Variants in ANKRD17 observed in about 807,000 individuals in gnomAD.
ANKRD17 encodes ankyrin repeat domain-containing protein 17.
In ANKRD17, 19 loss-of-function variants were observed where a neutral mutation model predicts 229.7. The observed-to-expected ratio is 0.08, with a 90% CI of 0.06 to 0.12. The LOEUF (loss-of-function observed/expected upper bound fraction) is 0.12. Among genes scored for constraint, ANKRD17 ranks in the 10% least tolerant of loss-of-function variants. The pLI, the probability that ANKRD17 is intolerant of heterozygous loss-of-function variation, is 1.00. For missense variants in ANKRD17, 2,176 were observed against 3,176.8 expected, an observed-to-expected ratio of 0.68 and a Z score of 7.57; for synonymous variants, 1,112 against 1,146.1, an observed-to-expected ratio of 0.97 and a Z score of 0.60.
chr4:73,086,591 T>C (rs1195007790), intron 29 of ANKRD17, among the ~76,000 whole-genome samples: 1 of 148,952 alleles, frequency 6.7e-6, no homozygotes. Flanking sequence ...TGTCAACGAT[T>C]TTTTTTTTTA....
At chr4:73,147,515 T>C in intron 8 of ANKRD17, 83 bp from the exon 9 acceptor site, 1 of 1,146,154 alleles carries the variant, frequency 8.7e-7, no homozygotes, top group Non-Finnish European at 1.2e-6. Flanking sequence ...CTTAATAAAC[T>C]GAATCTTTAA....
Position 73,098,510 on chromosome 4 carries a change from T to C in ANKRD17, c.4584A>G (p.Glu1528=). ...KEKLKVEDEP[E]VLTEPPSATT... is the part of the protein sequence containing the mutation. ...TGGCACTTGGAGGTTCTGTCAAGAC[T>C]TCAGGCTCATCTGTAAAAGTAGCAA... The change falls in exon 26 of 34, where the codon GAA becomes GAG. Residue 1528 remains glutamate, a synonymous_variant. Coordinates refer to ENST00000358602, the MANE Select transcript of ANKRD17 (RefSeq NM_032217.5). 6.2e-7 allele frequency: 1 copy of C among 1,610,992 alleles called. No homozygotes were observed. Among genetic ancestry groups the C allele is most frequent in the Non-Finnish European group, 8.5e-7 (1 of 1,179,026 alleles).
chr4:73,170,211 T>A (rs1418834330), intron 2 of ANKRD17, among the ~76,000 whole-genome samples: 8 of 151,900 alleles, frequency 5.3e-5, no homozygotes, highest in Non-Finnish European at 7.4e-5. Context: ...GACAACTTGG[T>A]CTTGCATCTT....
intron 1 of ANKRD17, among the ~76,000 whole-genome samples, chr4:73,218,214 G>A (rs1402550915): frequency 6.6e-6 from 1 of 152,192 alleles, no homozygotes; most frequent in Non-Finnish European, 1.5e-5. Context: ...GAAAAATTCA[G>A]AATGCATAAG....
chr4:73,219,521 T>C (rs1160780881), intron 1 of ANKRD17, among the ~76,000 whole-genome samples: 1 of 152,222 alleles, frequency 6.6e-6, no homozygotes, highest in East Asian at 1.9e-4. Flanking sequence ...CTTTCAATTT[T>C]ATTTAAAAAA....
intron 1 of ANKRD17, among the ~76,000 whole-genome samples, chr4:73,189,569 C>CAT (rs1437689830): frequency 6.6e-6 from 1 of 151,928 alleles, no homozygotes; most frequent in Non-Finnish European, 1.5e-5. Flanking sequence ...GCTACCATTC[C>CAT]GCCCCCTCAG....
At chr4:73,245,079 T>C (rs1744374981) in intron 1 of ANKRD17, among the ~76,000 whole-genome samples, 1 of 152,042 alleles carries the variant, frequency 6.6e-6, no homozygotes, top group African/African-American at 2.4e-5. Flanking sequence ...AAGAGTCCAG[T>C]AATTTGGGGC....
intron 27 of ANKRD17, among the ~76,000 whole-genome samples, chr4:73,096,669 T>C (rs186001019): frequency 6.6e-6 from 1 of 152,358 alleles, no homozygotes. Flanking sequence ...ATTTTTACTC[T>C]TGGATACATA....
chr4:73,091,036 A>C lies in ANKRD17; in HGVS notation c.6592T>G (p.Ser2198Ala). Residue 2198 changes from serine to alanine, a missense_variant, in exon 29 of 34, where the codon TCA becomes GCA. This residue lies in a region of ANKRD17 where 424 missense variants were observed against 454.0 expected (regional missense o/e 0.93). Coordinates refer to ENST00000358602, the MANE Select transcript of ANKRD17 (RefSeq NM_032217.5). ...TTGACACTGAGGACTGCAACAGATG[A>C]ATTTTGCACTGAAGCTGAATTCTTG... The part of the protein sequence containing the change: ...PHKNSASVQN[S>A]SVAVLSVNHI... 6.2e-7 allele frequency: 1 copy of C among 1,614,212 alleles called. No homozygotes were observed. Among genetic ancestry groups the C allele is most frequent in the Admixed American group, 1.7e-5 (1 of 60,026 alleles).
At chr4:73,119,058 T>A (rs1726367059) in intron 21 of ANKRD17, among the ~76,000 whole-genome samples, 1 of 151,810 alleles carries the variant, frequency 6.6e-6, no homozygotes, top group Non-Finnish European at 1.5e-5. Flanking sequence ...AGCTAATTTT[T>A]AAATTTCTTG....
At chr4:73,086,969 T>C (rs1298244711) in intron 29 of ANKRD17, among the ~76,000 whole-genome samples, 4 of 110,840 alleles carry the variant, frequency 3.6e-5, no homozygotes, top group Admixed American at 9.7e-5. Context: ...GGATTTTAAA[T>C]AGGTTTAAGG....
intron 24 of ANKRD17, among the ~76,000 whole-genome samples, chr4:73,108,735 G>T (rs894273084): frequency 1.3e-5 from 2 of 152,114 alleles, no homozygotes; most frequent in African/African-American, 2.4e-5. Context: ...GATAATGGAA[G>T]AAAAAATGGA....
At chr4:73,114,017 G>A in intron 23 of ANKRD17, 109 bp from the exon 24 acceptor site, 1 of 697,510 alleles carries the variant, frequency 1.4e-6, no homozygotes, top group Non-Finnish European at 2.4e-6. Context: ...AAGCAATAAA[G>A]ATCCATGAAA....
intron 15 of ANKRD17, among the ~76,000 whole-genome samples, chr4:73,138,742 C>T (rs973935933): frequency 6.6e-5 from 10 of 151,946 alleles, no homozygotes; most frequent in African/African-American, 2.4e-4. Context: ...TTATGGTTCA[C>T]AACCCTATAA....
Position 73,097,004 on chromosome 4 carries a change from A to C in ANKRD17, c.5177+113T>G, listed in dbSNP as rs531567598. 9.4e-4 allele frequency: 1,173 copies of C among 1,252,026 alleles called. 2 individuals carry two copies. The highest frequency in any genetic ancestry group is 1.2e-3 in the Non-Finnish European group (1,125 of 913,580). 77.6% of individuals were successfully genotyped at this position (1,252,026 alleles called of 1,614,324 possible). On this transcript the variant is annotated intron_variant, in intron 27 of 33. Coordinates refer to ENST00000358602, the MANE Select transcript of ANKRD17 (RefSeq NM_032217.5). ...CTCTGTTGGTCAAATTTAGCCTTGA[A>C]CCATCAGTTTGTTTGCAACCTTTAG...
At position 73,085,259 on chromosome 4, in the gene ANKRD17, T is replaced by G; in HGVS notation, c.7149A>C (p.Ser2383=). 1.2e-6 allele frequency: 2 copies of G among 1,614,132 alleles called. No individual in the cohort carries two copies. Among genetic ancestry groups the G allele is most frequent in the Non-Finnish European group, 1.7e-6 (2 of 1,179,980 alleles). ...GTGTATAAAACTCACCATTTGATGC[T>G]GATGAACACGGAGTCAACAAACTAA... ...SPLSLLTPCS[S]ASNDSSAQSV... The change falls in exon 30 of 34, where the codon TCA becomes TCC. Residue 2383 remains serine, a synonymous_variant. Transcript: ENST00000358602.
chr4:73,175,484 C>A (rs751976246), intron 2 of ANKRD17, among the ~76,000 whole-genome samples: 2 of 152,112 alleles, frequency 1.3e-5, no homozygotes, highest in Non-Finnish European at 2.9e-5. Context: ...CTCAAAAGAT[C>A]CAGAATAGCC....
At chr4:73,161,030 T>C (rs1165684334) in intron 3 of ANKRD17, among the ~76,000 whole-genome samples, 162 bp downstream of exon 3, 1 of 152,198 alleles carries the variant, frequency 6.6e-6, no homozygotes, top group Admixed American at 6.5e-5. Context: ...AAAAACAAAA[T>C]CTATACCTTA....
intron 2 of ANKRD17, among the ~76,000 whole-genome samples, chr4:73,163,932 T>A (rs1342744192): frequency 1.3e-5 from 2 of 152,216 alleles, no homozygotes; most frequent in African/African-American, 4.8e-5. Flanking sequence ...GCCTTTATGA[T>A]TATAGCCATA....
Sources: allele counts gnomAD v4.1 joint callset (sites outside exome capture counted in the v4.1 genomes callset), GRCh38; gene constraint gnomAD v4.1.1; regional missense constraint gnomAD v4.1.1; transcripts MANE v1.5; gene names NCBI Gene and HGNC (gene_info 2026-07-23, HGNC 2026-07-21).